FSTL1: variants seen among roughly 807,000 people sequenced by gnomAD.
The protein encoded by FSTL1 is follistatin like 1, also known as follistatin-related protein 1.
Under a neutral mutation model 45.9 loss-of-function variants are expected in FSTL1, and 24 were observed. The observed-to-expected ratio is 0.52, with a 90% CI of 0.38 to 0.74. The LOEUF (loss-of-function observed/expected upper bound fraction) is 0.74. FSTL1 is among the 30% of genes least tolerant of loss of function. The pLI is 0.00. For synonymous variants in FSTL1, 120 were observed against 137.6 expected, an observed-to-expected ratio of 0.87 and a Z score of 0.89; for missense variants, 340 against 381.8, an observed-to-expected ratio of 0.89 and a Z score of 0.91.
chr3:120,399,830 T>C, intron 10 of FSTL1, 53 bp downstream of exon 10: 1 of 1,211,402 alleles, frequency 8.3e-7, no homozygotes, highest in Admixed American at 1.9e-5. Context: ...TTGAATGGTA[T>C]AGGGCCTGAT....
intron 5 of FSTL1, 31 bp from the exon 6 acceptor site, chr3:120,409,693 C>CA: frequency 6.2e-7 from 1 of 1,611,272 alleles, no homozygotes. Context: ...TCAGCTGGAG[C>CA]AGTCAGGGGA....
intron 2 of FSTL1, among the ~76,000 whole-genome samples, chr3:120,443,909 G>A (rs1288391894): frequency 3.3e-5 from 5 of 150,008 alleles, no homozygotes; most frequent in African/African-American, 1.3e-4. Flanking sequence ...TACCCAAAGA[G>A]CATTCTATTA....
rs1248677513 is a variant in FSTL1 at position 120,404,025 on chromosome 3, C to T, written c.582-671G>A. On this transcript the variant is annotated intron_variant, in intron 7 of 10. Transcript: ENST00000295633. ...AAAAAAAAACTCAGCTCCATCACTT[C>T]TTTCTTGGGCTGTATTTGAGCCCTG... 1.1e-4 allele frequency among the ~76,000 whole-genome samples: 17 copies of T among 150,450 alleles called. 1 individual carries two copies. In the East Asian group the frequency reaches 1.4e-3, roughly 13 times the overall value.
chr3:120,414,704 C>A (rs1016393822), intron 3 of FSTL1, among the ~76,000 whole-genome samples: 4 of 151,566 alleles, frequency 2.6e-5, no homozygotes, highest in African/African-American at 9.7e-5. Context: ...CAACCCTGTG[C>A]TCTCTGAAAC....
chr3:120,436,764 T>C (rs773996833), intron 2 of FSTL1, among the ~76,000 whole-genome samples: 11 of 152,214 alleles, frequency 7.2e-5, no homozygotes, highest in Non-Finnish European at 1.3e-4. Flanking sequence ...GCTTCTGATA[T>C]AGGACTCAGC....
In FSTL1 at chr3:120,392,460, C is replaced by A. The variant is rs1308939148; in HGVS notation, c.*4492G>T. On this transcript the variant is annotated 3_prime_UTR_variant, in exon 11 of 11. Transcript: ENST00000295633. ...AGTTTATGTACTTTTGGCAGTCATG[C>A]ATACTGGTGCAACTTCTTTGACTTT... 1.3e-5 allele frequency: 2 copies of A among 152,186 alleles called. No individual in the cohort carries two copies. Among genetic ancestry groups the A allele is most frequent in the African/African-American group, 4.8e-5 (2 of 41,440 alleles). The allele number at this position is 152,186 out of a possible 1,614,324, so 9.4% of individuals were successfully genotyped here.
At chr3:120,436,171 CAA>C (rs1261177273) in intron 2 of FSTL1, among the ~76,000 whole-genome samples, 1 of 151,958 alleles carries the variant, frequency 6.6e-6, no homozygotes, top group Non-Finnish European at 1.5e-5. Context: ...TGAAAAAACA[CAA>C]AGACTCTTCT....
At chr3:120,426,382 G>C (rs1424918832) in intron 2 of FSTL1, among the ~76,000 whole-genome samples, 1 of 152,018 alleles carries the variant, frequency 6.6e-6, no homozygotes, top group Non-Finnish European at 1.5e-5. Context: ...AACCCATTAG[G>C]ATTTGCATTC....
chr3:120,403,940 A>AAAAC (rs1936887081), intron 7 of FSTL1, among the ~76,000 whole-genome samples: 3 of 85,602 alleles, frequency 3.5e-5, no homozygotes, highest in African/African-American at 7.3e-5. Flanking sequence ...AAAAAAAAAA[A>AAAAC]AAAACAAAAA....
chr3:120,404,978 A>C lies in FSTL1; in HGVS notation c.463-7T>G, dbSNP rs1427821556. On this transcript the variant is annotated splice_polypyrimidine_tract_variant and splice_region_variant and intron_variant, in intron 6 of 10. Transcript: ENST00000295633. ...AATCACCATTATCAAAGTTCTAGAA[A>C]GGGCATGACAAGATCGTTCAGGGAT... 1.4e-6 allele frequency: 2 copies of C among 1,410,180 alleles called. No individual in the cohort carries two copies. Among genetic ancestry groups the C allele is most frequent in the Non-Finnish European group, 2.0e-6 (2 of 993,686 alleles). 87.4% of individuals were successfully genotyped at this position (1,410,180 alleles called of 1,614,324 possible).
At chr3:120,428,939 G>T (rs1342050706) in intron 2 of FSTL1, among the ~76,000 whole-genome samples, 2 of 152,230 alleles carry the variant, frequency 1.3e-5, no homozygotes, top group East Asian at 3.8e-4. Flanking sequence ...GGCTCAGTAG[G>T]GTTCTAGGAG....
chr3:120,402,111 T>G (rs1327424640), intron 9 of FSTL1, among the ~76,000 whole-genome samples: 6 of 152,184 alleles, frequency 3.9e-5, no homozygotes, highest in African/African-American at 1.2e-4. Flanking sequence ...AGCCTCACAC[T>G]GCCCCACAAA....
At chr3:120,412,367 G>C (rs1288880217) in intron 3 of FSTL1, among the ~76,000 whole-genome samples, 1 of 152,206 alleles carries the variant, frequency 6.6e-6, no homozygotes, top group East Asian at 1.9e-4. Flanking sequence ...TGTGGATGAG[G>C]TTAAGAAGTG....
intron 2 of FSTL1, among the ~76,000 whole-genome samples, chr3:120,436,248 A>G (rs544466723): frequency 6.6e-6 from 1 of 152,336 alleles, no homozygotes; most frequent in East Asian, 1.9e-4. Context: ...CATGGTCCAC[A>G]AGTAGCTTGG....
rs758605129 is a variant in FSTL1, at chr3:120,410,940, A to C, written c.331+12T>G. 1.6e-5 allele frequency: 25 copies of C among 1,601,118 alleles called. No individual in the cohort carries two copies. The highest frequency in any genetic ancestry group is 1.7e-4 in the Middle Eastern group (1 of 6,048). The stretch of plus-strand genomic sequence containing the variant: ...CCCTGAGATGCACACAGTAGAAAAA[A>C]TAGGCACTCACCTGGGCTGGCAGAT... On this transcript the variant is annotated intron_variant, in intron 5 of 10. Transcript: ENST00000295633.
chr3:120,447,255 G>C (rs1025519333), intron 2 of FSTL1, among the ~76,000 whole-genome samples: 6 of 152,172 alleles, frequency 3.9e-5, no homozygotes, highest in African/African-American at 1.4e-4. Context: ...TTCCCAATGG[G>C]AGGGGGATGG....
intron 2 of FSTL1, among the ~76,000 whole-genome samples, chr3:120,445,867 G>A (rs976546539): frequency 6.7e-6 from 1 of 149,814 alleles, no homozygotes; most frequent in Non-Finnish European, 1.5e-5. Context: ...GCTGCAGCAG[G>A]GGATAGGCTC....
intron 2 of FSTL1, chr3:120,423,674 C>T (rs1438907806): frequency 1.3e-5 from 2 of 152,192 alleles, no homozygotes; most frequent in Non-Finnish European, 2.9e-5. Flanking sequence ...TGACATACCA[C>T]ACCGCCTTCT....
At chr3:120,434,465 G>A (rs1433498806) in intron 2 of FSTL1, among the ~76,000 whole-genome samples, 2 of 152,156 alleles carry the variant, frequency 1.3e-5, no homozygotes, top group East Asian at 3.9e-4. Context: ...CTAAGACCTG[G>A]GGTCACATAT....
Sources: allele counts gnomAD v4.1 joint callset (sites outside exome capture counted in the v4.1 genomes callset), GRCh38; gene constraint gnomAD v4.1.1; transcripts MANE v1.5; gene names NCBI Gene and HGNC (gene_info 2026-07-23, HGNC 2026-07-21).